Variants in LAX1 observed in about 807,000 individuals in gnomAD.
LAX1 encodes the protein lymphocyte transmembrane adaptor 1, also known as lymphocyte transmembrane adapter 1.
In LAX1, 17 loss-of-function variants were observed where a neutral mutation model predicts 20.7. The observed-to-expected ratio is 0.82, with a 90% CI of 0.56 to 1.23. The LOEUF (loss-of-function observed/expected upper bound fraction) is 1.23. Ranked by LOEUF, LAX1 falls within the 50% of genes most tolerant of loss-of-function variation. The pLI is 0.00. For missense variants in LAX1, 470 were observed against 487.0 expected, an observed-to-expected ratio of 0.97 and a Z score of 0.33; for synonymous variants, 165 against 181.0, an observed-to-expected ratio of 0.91 and a Z score of 0.71.
At chr1:203,771,505 T>A (rs750994650) in intron 3 of LAX1, 28 bp downstream of exon 3, 10 of 1,334,844 alleles carry the variant, frequency 7.5e-6, no homozygotes, top group Non-Finnish European at 1.1e-5. Context: ...ATCTATGGAG[T>A]CCAGATATTC....
chr1:203,769,512 C>T (rs1196137968), intron 1 of LAX1: 1 of 151,984 alleles, frequency 6.6e-6, no homozygotes, highest in South Asian at 2.1e-4. Flanking sequence ...CAAAAACCTT[C>T]CCTGTTAAAT....
chr1:203,774,749 C>T lies in LAX1; in HGVS notation c.*68C>T. The T allele has an allele frequency of 1.5e-6, 2 of 1,306,380 alleles. No individual in the cohort carries two copies. The highest frequency in any genetic ancestry group is 2.1e-6 in the Non-Finnish European group (2 of 933,534). The allele number at this position is 1,306,380 out of a possible 1,614,324, so 80.9% of individuals were successfully genotyped here. A position where few individuals can be genotyped will look rare whatever the true frequency, so the allele number is the denominator to read the frequency against. ...CCCATAGGATTGACTACTGCAGAGTCTAGTGCAGACCCGTGATCACCTTAG... is the reference window on the plus strand; with the variant it reads ...CCCATAGGATTGACTACTGCAGAGTTTAGTGCAGACCCGTGATCACCTTAG... On this transcript the variant is annotated 3_prime_UTR_variant, in exon 5 of 5. Coordinates refer to ENST00000442561, the MANE Select transcript of LAX1 (RefSeq NM_017773.4).
At chr1:203,768,584 A>G (rs1264251463) in intron 1 of LAX1, among the ~76,000 whole-genome samples, 2 of 152,196 alleles carry the variant, frequency 1.3e-5, no homozygotes, top group Non-Finnish European at 2.9e-5. Context: ...GTGGTAGGAA[A>G]TAAGGTCAGA....
chr1:203,772,240 C>A (rs3737973), intron 4 of LAX1, 93 bp downstream of exon 4: 519,837 of 964,340 alleles, frequency 0.54, 147,646 homozygotes, highest in Non-Finnish European at 0.6. Flanking sequence ...TCACTGCAAA[C>A]AAACAGCATG....
intron 1 of LAX1, among the ~76,000 whole-genome samples, chr1:203,769,317 G>A (rs529446154): frequency 3.3e-5 from 5 of 151,350 alleles, no homozygotes; most frequent in Non-Finnish European, 5.9e-5. Flanking sequence ...GCTTGAACCT[G>A]GGAGGCAGAG....
At chr1:203,771,535 G>A in intron 3 of LAX1, 58 bp downstream of exon 3, 1 of 1,053,878 alleles carries the variant, frequency 9.5e-7, no homozygotes. Context: ...CTCCCAGAAT[G>A]TGCCTCTCAC....
chr1:203,774,946 G>C lies in LAX1; in HGVS notation c.*265G>C. ...TTTGCTGAAACTGCTTCCTAGAACT[G>C]TGAAGAAAGCAGGAAAGTAGTGCAC... On this transcript the variant is annotated 3_prime_UTR_variant, in exon 5 of 5. Transcript: ENST00000442561. 4.1e-6 allele frequency: 2 copies of C among 485,102 alleles called. No individual in the cohort carries two copies. The highest frequency in any genetic ancestry group is 7.3e-6 in the Non-Finnish European group (2 of 273,714). The allele number at this position is 485,102 out of a possible 1,614,324, so 30.0% of individuals were successfully genotyped here.
intron 1 of LAX1, among the ~76,000 whole-genome samples, chr1:203,769,383 C>T (rs1215311185): frequency 8.0e-6 from 1 of 125,294 alleles, no homozygotes; most frequent in Non-Finnish European, 1.6e-5. Context: ...CACAGCGAGA[C>T]TCTGTCTCAA....
intron 1 of LAX1, among the ~76,000 whole-genome samples, chr1:203,768,121 A>G (rs1667334791): frequency 6.6e-6 from 1 of 152,000 alleles, no homozygotes; most frequent in Non-Finnish European, 1.5e-5. Context: ...GACCAGCCTG[A>G]CGAATATGAT....
chr1:203,770,499 AAGG>A (rs2102266613), intron 1 of LAX1, among the ~76,000 whole-genome samples: 56 of 83,516 alleles, frequency 6.7e-4, no homozygotes, highest in African/African-American at 2.3e-3. Context: ...GGAAGGAAGG[AAGG>A]AAGGAAGGAA....
In LAX1 at chr1:203,774,486, T is replaced by C. The variant is rs912970814; in HGVS notation, c.1002T>C (p.Cys334=). The part of the protein sequence containing the change: ...KTDDPGTHVQ[C]VKRTFLASGD... ...ATGATCCCGGGACCCATGTCCAATG[T>C]GTCAAAAGGACATTCCTTGCTTCAG... The change falls in exon 5 of 5, where the codon TGT becomes TGC. Residue 334 remains cysteine (C), a synonymous_variant. Transcript: ENST00000442561. 6.2e-7 allele frequency: 1 copy of C among 1,614,238 alleles called. No homozygotes were observed. The highest frequency in any genetic ancestry group is 8.5e-7 in the Non-Finnish European group (1 of 1,180,036).
In LAX1 at chr1:203,774,485, G is replaced by T; in HGVS notation, c.1001G>T (p.Cys334Phe). Residue 334 changes from cysteine (C) to phenylalanine (F), a missense_variant, in exon 5 of 5, where the codon TGT becomes TTT. Cys to Phe is a radical substitution (Grantham distance 205, BLOSUM62 -2). Transcript: ENST00000442561. ...KTDDPGTHVQ[C>F]VKRTFLASGD... is the part of the protein sequence containing the mutation. Reference sequence around the variant, plus strand: ...GATGATCCCGGGACCCATGTCCAATGTGTCAAAAGGACATTCCTTGCTTCA... The same window carrying T: ...GATGATCCCGGGACCCATGTCCAATTTGTCAAAAGGACATTCCTTGCTTCA... The T allele has an allele frequency of 3.1e-6, 5 of 1,614,246 alleles. No homozygotes were observed. Among genetic ancestry groups the T allele is most frequent in the Non-Finnish European group, 3.4e-6 (4 of 1,180,048 alleles).
Position 203,774,733 on chromosome 1 carries a change from T to C in LAX1, c.*52T>C, listed in dbSNP as rs1318845643. ...ACATTGAGTAGTCTATCCCATAGGA[T>C]TGACTACTGCAGAGTCTAGTGCAGA... is the stretch of plus-strand genomic sequence containing the variant. On this transcript the variant is annotated 3_prime_UTR_variant, in exon 5 of 5. Transcript: ENST00000442561. 2.7e-6 allele frequency: 4 copies of C among 1,481,750 alleles called. No homozygotes were observed. Among genetic ancestry groups the C allele is most frequent in the African/African-American group, 1.4e-5 (1 of 72,190 alleles). The allele number at this position is 1,481,750 out of a possible 1,614,324, so 91.8% of individuals were successfully genotyped here. A position where few individuals can be genotyped will look rare whatever the true frequency, so the allele number is the denominator to read the frequency against.
chr1:203,766,082 C>T (rs989749306), intron 1 of LAX1, among the ~76,000 whole-genome samples: 2 of 152,114 alleles, frequency 1.3e-5, no homozygotes, highest in Admixed American at 6.6e-5. Context: ...GTCCTTAGGA[C>T]GTAAAATCTT....
chr1:203,774,764 G>A lies in LAX1; in HGVS notation c.*83G>A. The A allele has an allele frequency of 8.9e-7, 1 of 1,123,932 alleles. No individual in the cohort carries two copies. The highest frequency in any genetic ancestry group is 1.3e-6 in the Non-Finnish European group (1 of 782,880). The allele number at this position is 1,123,932 out of a possible 1,614,324, so 69.6% of individuals were successfully genotyped here. A position where few individuals can be genotyped will look rare whatever the true frequency, so the allele number is the denominator to read the frequency against. Reference sequence around the variant, plus strand: ...ACTGCAGAGTCTAGTGCAGACCCGTGATCACCTTAGTGCTTCAGTGGATTC... The same window carrying A: ...ACTGCAGAGTCTAGTGCAGACCCGTAATCACCTTAGTGCTTCAGTGGATTC... On this transcript the variant is annotated 3_prime_UTR_variant, in exon 5 of 5. Coordinates refer to ENST00000442561, the MANE Select transcript of LAX1 (RefSeq NM_017773.4).
rs1571810198 is a variant in LAX1, at chr1:203,774,904, G to A, written c.*223G>A. 6 of 566,042 alleles carry A rather than the reference G, an allele frequency of 1.1e-5. No homozygotes were observed. In the East Asian group the frequency reaches 1.7e-4, roughly 16 times the overall value. 35.1% of individuals were successfully genotyped at this position (566,042 alleles called of 1,614,324 possible). Reference sequence around the variant, plus strand: ...CTCAAGCAGAGTGTGGTTATCTCCTGTACCAGCCTAAGAATGTTTGCTGAA... The same window carrying A: ...CTCAAGCAGAGTGTGGTTATCTCCTATACCAGCCTAAGAATGTTTGCTGAA... On this transcript the variant is annotated 3_prime_UTR_variant, in exon 5 of 5. Transcript: ENST00000442561.
chr1:203,766,544 C>T (rs1247231113), intron 1 of LAX1, among the ~76,000 whole-genome samples: 1 of 152,202 alleles, frequency 6.6e-6, no homozygotes, highest in Non-Finnish European at 1.5e-5. Context: ...ACACATGTCA[C>T]TTGCTGGTAG....
intron 1 of LAX1, among the ~76,000 whole-genome samples, chr1:203,770,453 GAAAGGAAGGAAGGAAGGA>G (rs1426346023): frequency 4.2e-5 from 1 of 23,744 alleles, no homozygotes; most frequent in African/African-American, 1.1e-4. Context: ...GAGAGAGAGA[GAAAGGAAGGAAGGAAGGA>G]AGGAAGGAAG....
chr1:203,765,350 C>G lies in LAX1; in HGVS notation c.-216C>G, dbSNP rs368729091. 1.9e-6 allele frequency: 3 copies of G among 1,551,650 alleles called. No homozygotes were observed. The highest frequency in any genetic ancestry group is 1.2e-5 in the South Asian group (1 of 84,064). On this transcript the variant is annotated 5_prime_UTR_variant, in exon 1 of 5. In the 5' UTR this introduces an upstream ATG that the reference lacks. Coordinates refer to ENST00000442561, the MANE Select transcript of LAX1 (RefSeq NM_017773.4). ...TGGAAGCACCATGTCCGGATGAGAT[C>G]GCACTTCCTGCAGTGGGCATTAGCC... is the stretch of plus-strand genomic sequence containing the variant.
Sources: allele counts gnomAD v4.1 joint callset (sites outside exome capture counted in the v4.1 genomes callset), GRCh38; gene constraint gnomAD v4.1.1; transcripts MANE v1.5; gene names NCBI Gene and HGNC (gene_info 2026-07-23, HGNC 2026-07-21).